The following TRPM3 variants were observed in gnomAD, a reference collection of about 807,000 sequenced individuals.
TRPM3 encodes long transient receptor potential channel 3.
In TRPM3, 77 loss-of-function variants were observed where a neutral mutation model predicts 181.2. The observed-to-expected ratio is 0.42, with a 90% confidence interval of 0.35 to 0.51. The LOEUF (loss-of-function observed/expected upper bound fraction) is 0.51. Ranked by LOEUF, TRPM3 falls within the 20% of genes least tolerant of loss-of-function variation. TRPM3 has a pLI of 0.01. For synonymous variants in TRPM3, 745 were observed against 796.4 expected (o/e 0.94, Z 1.09); for missense variants, 1,759 against 2,196.7 (o/e 0.80, Z 3.98).
At chr9:70,587,934 C>T (rs977830065) in intron 22 of TRPM3, among the ~76,000 whole-genome samples, 2 of 152,194 alleles carry the variant, frequency 1.3e-5, no homozygotes, top group Admixed American at 6.5e-5. Flanking sequence ...CCGGGTAGAG[C>T]GGACAGTCAC....
chr9:70,893,238 T>C (rs1270641119), intron 1 of TRPM3, among the ~76,000 whole-genome samples: 1 of 152,164 alleles, frequency 6.6e-6, no homozygotes, highest in Non-Finnish European at 1.5e-5. Flanking sequence ...GGAGGTTTGC[T>C]GGGTGAAATC....
intron 1 of TRPM3, among the ~76,000 whole-genome samples, chr9:71,199,788 A>T (rs980464706): frequency 6.6e-6 from 1 of 150,962 alleles, no homozygotes; most frequent in Non-Finnish European, 1.5e-5. Flanking sequence ...TCTTGCTAGC[A>T]GTCTATCAAT....
chr9:70,629,683 C>A (rs190401515), intron 12 of TRPM3, among the ~76,000 whole-genome samples: 33 of 152,300 alleles, frequency 2.2e-4, no homozygotes, highest in Middle Eastern at 3.4e-3. Context: ...GCCATATAAA[C>A]AAACCCAGAG....
intron 25 of TRPM3, among the ~76,000 whole-genome samples, chr9:70,540,745 C>T (rs1438752268): frequency 7.2e-5 from 11 of 152,144 alleles, no homozygotes; most frequent in Non-Finnish European, 1.3e-4. Context: ...TTTCCTGAGA[C>T]AGGGTCTCAC....
At chr9:71,036,951 C>T (rs987749604) in intron 1 of TRPM3, among the ~76,000 whole-genome samples, 1 of 152,110 alleles carries the variant, frequency 6.6e-6, no homozygotes, top group Admixed American at 6.5e-5. Context: ...TGATTGTAGG[C>T]ATTTTTCAAG....
intron 1 of TRPM3, among the ~76,000 whole-genome samples, chr9:70,969,578 T>A (rs2097218365): frequency 6.6e-6 from 1 of 151,550 alleles, no homozygotes; most frequent in Non-Finnish European, 1.5e-5. Context: ...GAGTTTAACT[T>A]CTTAGGCTTT....
chr9:70,659,049 T>C (rs538073946), intron 9 of TRPM3, among the ~76,000 whole-genome samples: 1 of 152,268 alleles, frequency 6.6e-6, no homozygotes, highest in East Asian at 1.9e-4. Flanking sequence ...CTCTACCTGA[T>C]TTCTCCAGAA....
intron 18 of TRPM3, among the ~76,000 whole-genome samples, chr9:70,612,072 C>G (rs2133043671): frequency 6.6e-6 from 1 of 152,284 alleles, no homozygotes; most frequent in East Asian, 1.9e-4. Context: ...GCCTACAAGT[C>G]AGGTAGCATC....
At chr9:71,270,489 T>G (rs913008688) in intron 1 of TRPM3, among the ~76,000 whole-genome samples, 1 of 152,222 alleles carries the variant, frequency 6.6e-6, no homozygotes, top group African/African-American at 2.4e-5. Context: ...TTATTCAGCC[T>G]AAACTTATGT....
At chr9:71,064,571 A>C (rs530153754) in intron 1 of TRPM3, among the ~76,000 whole-genome samples, 1 of 152,226 alleles carries the variant, frequency 6.6e-6, no homozygotes, top group African/African-American at 2.4e-5. Flanking sequence ...ATGAGCCACT[A>C]CACCCAGCCT....
intron 6 of TRPM3, among the ~76,000 whole-genome samples, chr9:70,806,615 G>T (rs2090744172): frequency 6.6e-6 from 1 of 152,072 alleles, no homozygotes; most frequent in African/African-American, 2.4e-5. Context: ...GCTGGAACAC[G>T]GGAGGCGGGG....
chr9:71,393,163 G>A (rs1390920160), intron 1 of TRPM3, among the ~76,000 whole-genome samples: 3 of 152,134 alleles, frequency 2.0e-5, no homozygotes, highest in African/African-American at 7.2e-5. Context: ...GCCTGGTTCA[G>A]GCCAAGGGAG....
intron 8 of TRPM3, among the ~76,000 whole-genome samples, chr9:70,756,316 A>C (rs1587908295): frequency 6.6e-6 from 1 of 152,270 alleles, no homozygotes; most frequent in East Asian, 1.9e-4. Context: ...TATGCACCCA[A>C]TACAGGAGCA....
At chr9:70,760,043 A>G (rs1468387210) in intron 8 of TRPM3, among the ~76,000 whole-genome samples, 1 of 152,156 alleles carries the variant, frequency 6.6e-6, no homozygotes, top group Non-Finnish European at 1.5e-5. Context: ...ATTTCTTATA[A>G]CAAATAACTT....
chr9:71,095,758 CAAAA>C (rs34934062), intron 1 of TRPM3, among the ~76,000 whole-genome samples: 1 of 85,308 alleles, frequency 1.2e-5, no homozygotes, highest in Admixed American at 1.3e-4. Context: ...GACTCTGTGT[CAAAA>C]AAAAAAAAAA....
chr9:70,690,354 T>A (rs969455483), intron 8 of TRPM3, among the ~76,000 whole-genome samples: 4 of 152,154 alleles, frequency 2.6e-5, no homozygotes, highest in Admixed American at 2.6e-4. Flanking sequence ...ATGTTAACAA[T>A]AGGCTTGAGC....
At chr9:71,289,507 C>T (rs2085598809) in intron 1 of TRPM3, among the ~76,000 whole-genome samples, 1 of 152,052 alleles carries the variant, frequency 6.6e-6, no homozygotes, top group African/African-American at 2.4e-5. Context: ...AACAGAAGCT[C>T]AAGTTCTAGT....
At chr9:71,346,530 T>C (rs927127463) in intron 1 of TRPM3, among the ~76,000 whole-genome samples, 5 of 152,148 alleles carry the variant, frequency 3.3e-5, no homozygotes, top group Admixed American at 2.6e-4. Context: ...GGAGCTAGTG[T>C]CACTAACAGC....
intron 1 of TRPM3, among the ~76,000 whole-genome samples, chr9:71,264,677 G>T (rs2083271261): frequency 6.6e-6 from 1 of 152,108 alleles, no homozygotes; most frequent in South Asian, 2.1e-4. Context: ...AGGAAACCAA[G>T]ACTAGGAAAA....
Sources: gnomAD v4.1 joint callset for allele counts (sites outside exome capture counted in the v4.1 genomes callset) on GRCh38, gnomAD v4.1.1 for gene constraint, MANE v1.5 for transcripts, NCBI Gene and HGNC (gene_info 2026-07-23, HGNC 2026-07-21) for gene names.